The following RTN3 variants were observed in gnomAD, a reference collection of about 807,000 sequenced individuals.
RTN3 encodes the protein reticulon-3.
RTN3 carries 49 observed loss-of-function variants against 77.8 expected under a neutral mutation model. That is an observed-to-expected ratio of 0.63 (90% CI 0.50 to 0.80). The LOEUF (loss-of-function observed/expected upper bound fraction) is 0.80. RTN3 is among the 30% of genes least tolerant of loss of function. RTN3 has a pLI of 0.00. For synonymous variants in RTN3, 464 were observed against 446.9 expected (o/e 1.04, Z -0.48); for missense variants, 1,236 against 1,211.9 (o/e 1.02, Z -0.29).
Position 63,743,191 on chromosome 11 carries a change from G to A in RTN3, c.2531-6800G>A, listed in dbSNP as rs567917925. Among the ~76,000 whole-genome samples, 104 of 152,252 alleles carry A rather than the reference G, an allele frequency of 6.8e-4. 1 individual carries two copies. Among genetic ancestry groups the A allele is most frequent in the Non-Finnish European group, 1.3e-4 (9 of 68,014 alleles). ...GCTGGGATTACAGGCATGAGCCACC[G>A]CGCCCAGCCTGTTTTTCTTGACTTA... On this transcript the variant is annotated intron_variant, in intron 3 of 8. Transcript: ENST00000377819.
In RTN3 at chr11:63,731,121, C is replaced by G. The variant is rs1165318815; in HGVS notation, c.2530+10089C>G. Among the ~76,000 whole-genome samples the G allele has an allele frequency of 2.0e-5, 3 of 151,988 alleles. No individual in the cohort carries two copies. In the East Asian group the frequency reaches 5.8e-4, roughly 29 times the overall value. On this transcript the variant is annotated intron_variant, in intron 3 of 8. Coordinates refer to ENST00000377819, the MANE Select transcript of RTN3 (RefSeq NM_001265589.2). ...TTGGAGACACAGTTTCACTCTGCCT[C>G]CCAGGCTGGAGTGCAGTGGTGTGAT...
chr11:63,737,540 G>A (rs1327973538), intron 3 of RTN3, among the ~76,000 whole-genome samples: 2 of 152,172 alleles, frequency 1.3e-5, no homozygotes, highest in Non-Finnish European at 2.9e-5. Context: ...AACCCAGGAG[G>A]CAGAGGTTGC....
chr11:63,729,882 T>C (rs974154786), intron 3 of RTN3, among the ~76,000 whole-genome samples: 1 of 151,854 alleles, frequency 6.6e-6, no homozygotes, highest in African/African-American at 2.4e-5. Flanking sequence ...TACCTCAACC[T>C]CCCAGGCTCA....
chr11:63,735,568 C>CTCTCTCTG (rs1164973414), intron 3 of RTN3, among the ~76,000 whole-genome samples: 2 of 144,234 alleles, frequency 1.4e-5, no homozygotes, highest in African/African-American at 5.2e-5. Context: ...CTCTCTCTCT[C>CTCTCTCTG]TCTCTCTCTC....
intron 3 of RTN3, among the ~76,000 whole-genome samples, chr11:63,723,130 A>G (rs2011939265): frequency 6.6e-6 from 1 of 152,176 alleles, no homozygotes; most frequent in African/African-American, 2.4e-5. Flanking sequence ...GAATTATTTA[A>G]TCTAGCGTGA....
rs536229290 is a variant in RTN3 at position 63,749,893 on chromosome 11, A to G, written c.2531-98A>G. 3.0e-5 allele frequency: 25 copies of G among 839,982 alleles called. No homozygotes were observed. The South Asian group carries it at 4.0e-4, about 13-fold the overall frequency. The allele number at this position is 839,982 out of a possible 1,614,324, so 52.0% of individuals were successfully genotyped here. A position where few individuals can be genotyped will look rare whatever the true frequency, so the allele number is the denominator to read the frequency against. On this transcript the variant is annotated intron_variant, in intron 3 of 8. Transcript: ENST00000377819. ...AAACCAGATTATCTTAAAGTGGGGC[A>G]TACCTGTATTTGTGTGCTAATGTGA...
rs917845469 is a variant in RTN3, at chr11:63,709,699, A to G, written c.199+4792A>G. 3.9e-5 allele frequency among the ~76,000 whole-genome samples: 6 copies of G among 152,226 alleles called. No homozygotes were observed. In the South Asian group the frequency reaches 8.3e-4, roughly 21 times the overall value. ...TTCCTATTTTGATGCTGTGGCTGCA[A>G]GTTGTTGATACTGTTTTGCACGAAT... On this transcript the variant is annotated intron_variant, in intron 2 of 8. Coordinates refer to ENST00000377819, the MANE Select transcript of RTN3 (RefSeq NM_001265589.2).
chr11:63,756,366 C>T (rs521464), intron 8 of RTN3, among the ~76,000 whole-genome samples, 196 bp downstream of exon 8: 22,030 of 152,102 alleles, frequency 0.14, 1,766 homozygotes, highest in African/African-American at 0.19. Context: ...ATATCTTTTT[C>T]TGGCCCTGCC....
At chr11:63,681,975 G>C (rs1941079697) in intron 1 of RTN3, among the ~76,000 whole-genome samples, 197 bp downstream of exon 1, 1 of 152,274 alleles carries the variant, frequency 6.6e-6, no homozygotes, top group African/African-American at 2.4e-5. Flanking sequence ...AGGAAATAGC[G>C]GGGTGTGAGG....
rs1447351647 is a variant in RTN3 at position 63,720,108 on chromosome 11, G to A, written c.1606G>A (p.Glu536Lys). Reference protein sequence around the residue: ...SIPSAVVKTGEREIKEIPSCE... With the variant: ...SIPSAVVKTGKREIKEIPSCE... ...TCCAAGTGCTGTTGTAAAAACAGGTGAAAGAGAAATCAAAGAGATTCCCAG... is the reference window on the plus strand; with the variant it reads ...TCCAAGTGCTGTTGTAAAAACAGGTAAAAGAGAAATCAAAGAGATTCCCAG... The change falls in exon 3 of 9, where the codon GAA (glutamate) becomes AAA (lysine). Residue 536 changes from glutamate (E) to lysine (K), a missense_variant. By Grantham distance (56) the Glu-to-Lys change is moderately conservative. Transcript: ENST00000377819. 1 of 1,613,012 alleles carries A rather than the reference G, an allele frequency of 6.2e-7. No homozygotes were observed. Among genetic ancestry groups the A allele is most frequent in the African/African-American group, 1.3e-5 (1 of 74,836 alleles).
intron 2 of RTN3, among the ~76,000 whole-genome samples, chr11:63,711,454 A>G (rs987488152): frequency 5.9e-5 from 9 of 151,610 alleles, no homozygotes; most frequent in Admixed American, 2.0e-4. Flanking sequence ...CAGTGGGTCA[A>G]TTAGGGCTCA....
At chr11:63,729,873 A>G (rs1346985869) in intron 3 of RTN3, among the ~76,000 whole-genome samples, 3 of 151,508 alleles carry the variant, frequency 2.0e-5, no homozygotes, top group Non-Finnish European at 4.4e-5. Flanking sequence ...AGCTCACTGT[A>G]CCTCAACCTC....
intron 3 of RTN3, among the ~76,000 whole-genome samples, chr11:63,733,189 C>CAG (rs2012817579): frequency 6.6e-6 from 1 of 152,052 alleles, no homozygotes; most frequent in African/African-American, 2.4e-5. Context: ...CACAGTGGCT[C>CAG]ACGCCTGTAA....
At chr11:63,687,336 G>T (rs1941426177) in intron 1 of RTN3, among the ~76,000 whole-genome samples, 1 of 152,180 alleles carries the variant, frequency 6.6e-6, no homozygotes, top group African/African-American at 2.4e-5. Context: ...ACACAATTTG[G>T]CTGGGCACGG....
rs764439769 is a variant in RTN3 at position 63,720,696 on chromosome 11, C to G, written c.2194C>G (p.Pro732Ala). 1 of 1,614,090 alleles carries G rather than the reference C, an allele frequency of 6.2e-7. No individual in the cohort carries two copies. Among genetic ancestry groups the G allele is most frequent in the South Asian group, 1.1e-5 (1 of 91,080 alleles). Residue 732 changes from proline (P) to alanine (A), a missense_variant, in exon 3 of 9, where the codon CCA (proline) becomes GCA (alanine). Pro to Ala is a conservative substitution (Grantham distance 27, BLOSUM62 -1). Transcript: ENST00000377819. ...AGGTGTTTTCCCTACCCAAGGTACT[C>G]CAGTAGCATCTCTTGACTTAGAACA... ...PLGVFPTQGTPVASLDLEQEQ... is the reference protein window; with the variant it reads ...PLGVFPTQGTAVASLDLEQEQ...
chr11:63,704,739 T>TTA (rs1942414998), intron 1 of RTN3, 112 bp from the exon 2 acceptor site: 1 of 757,268 alleles, frequency 1.3e-6, no homozygotes, highest in South Asian at 1.7e-5. Context: ...TTCCTCCTTG[T>TTA]TAAACCCAAT....
Position 63,758,437 on chromosome 11 carries a change from T to C in RTN3, c.*236T>C. The C allele has an allele frequency of 8.4e-7, 1 of 1,193,988 alleles. No individual in the cohort carries two copies. Among genetic ancestry groups the C allele is most frequent in the Non-Finnish European group, 1.2e-6 (1 of 855,108 alleles). 74.0% of individuals were successfully genotyped at this position (1,193,988 alleles called of 1,614,324 possible). On this transcript the variant is annotated 3_prime_UTR_variant, in exon 9 of 9. Coordinates refer to ENST00000377819, the MANE Select transcript of RTN3 (RefSeq NM_001265589.2). ...TCAGAAGAAGAAAGAATCAAATTCATAGGATAAGTCAATACCTTAATGGTG... is the reference window on the plus strand; with the variant it reads ...TCAGAAGAAGAAAGAATCAAATTCACAGGATAAGTCAATACCTTAATGGTG...
At chr11:63,723,828 C>T (rs2012007069) in intron 3 of RTN3, among the ~76,000 whole-genome samples, 1 of 152,068 alleles carries the variant, frequency 6.6e-6, no homozygotes, top group African/African-American at 2.4e-5. Context: ...GGAAAATAGG[C>T]AAAAGAAACA....
intron 1 of RTN3, among the ~76,000 whole-genome samples, chr11:63,692,675 C>T (rs553476831): frequency 1.3e-5 from 2 of 151,948 alleles, no homozygotes; most frequent in African/African-American, 4.8e-5. Flanking sequence ...GCAGGAGAAT[C>T]GCTTGAACCT....
Sources: allele counts gnomAD v4.1 joint callset (sites outside exome capture counted in the v4.1 genomes callset), GRCh38; gene constraint gnomAD v4.1.1; transcripts MANE v1.5; gene names NCBI Gene and HGNC (gene_info 2026-07-23, HGNC 2026-07-21).